Variants in HIBCH observed in about 807,000 individuals in gnomAD.
HIBCH encodes 3-hydroxyisobutyryl-CoA hydrolase, also known as 3-hydroxyisobutyryl-CoA hydrolase, mitochondrial.
Under a neutral mutation model 58.2 loss-of-function variants are expected in HIBCH, and 50 were observed. The ratio of observed to expected loss-of-function variants is 0.86; its 90% CI spans 0.68 to 1.09. The LOEUF is 1.09. Among genes scored for constraint, HIBCH ranks in the 50% least tolerant of loss-of-function variants. The pLI is 0.00. For missense variants in HIBCH, 450 were observed against 449.7 expected (o/e 1.00, Z -0.01); for synonymous variants, 151 against 146.9 (o/e 1.03, Z -0.20).
chr2:190,190,693 C>T (rs1024622462), intron 1 of HIBCH, among the ~76,000 whole-genome samples: 1 of 152,198 alleles, frequency 6.6e-6, no homozygotes. Context: ...TGCATGTCCT[C>T]ACCAACACTA....
intron 12 of HIBCH, 72 bp downstream of exon 12, chr2:190,212,884 T>C: frequency 7.4e-7 from 1 of 1,348,408 alleles, no homozygotes; most frequent in South Asian, 1.2e-5. Context: ...ACTTAGTGTA[T>C]TTTACAAGTT....
intron 11 of HIBCH, among the ~76,000 whole-genome samples, chr2:190,231,329 C>A (rs1411520756): frequency 6.6e-6 from 1 of 152,080 alleles, no homozygotes; most frequent in African/African-American, 2.4e-5. Context: ...GAAATCAATA[C>A]TGATAAAAGA....
chr2:190,200,132 A>G (rs1690182422), downstream of HIBCH: 2 of 1,613,756 alleles, frequency 1.2e-6, no homozygotes, highest in African/African-American at 2.7e-5. Context: ...CCATACATTG[A>G]GAGTGAGGGG....
chr2:190,222,339 A>G (rs1230910307), intron 11 of HIBCH, among the ~76,000 whole-genome samples: 3 of 152,132 alleles, frequency 2.0e-5, no homozygotes, highest in East Asian at 3.9e-4. Context: ...CTGCCCATGA[A>G]GGTGTCAGGG....
chr2:190,250,734 A>T (rs1686739188), intron 8 of HIBCH, among the ~76,000 whole-genome samples: 1 of 152,232 alleles, frequency 6.6e-6, no homozygotes, highest in Non-Finnish European at 1.5e-5. Flanking sequence ...AGGCCTTCAT[A>T]ACAGTTTACA....
chr2:190,194,196 C>T (rs1689854398), intron 1 of HIBCH, among the ~76,000 whole-genome samples: 1 of 152,060 alleles, frequency 6.6e-6, no homozygotes, highest in African/African-American at 2.4e-5. Flanking sequence ...TCCATATGCA[C>T]TTGATAAGAA....
chr2:190,230,056 G>T (rs1686047818), intron 11 of HIBCH, among the ~76,000 whole-genome samples: 1 of 152,134 alleles, frequency 6.6e-6, no homozygotes, highest in Non-Finnish European at 1.5e-5. Flanking sequence ...CATTTTAATA[G>T]TTGCCTCTGT....
At chr2:190,255,237 C>T (rs1686888958) in intron 7 of HIBCH, among the ~76,000 whole-genome samples, 2 of 152,192 alleles carry the variant, frequency 1.3e-5, no homozygotes. Context: ...CTTTTGAGAG[C>T]ATGTTACATC....
intron 11 of HIBCH, among the ~76,000 whole-genome samples, chr2:190,231,597 A>G (rs1319747199): frequency 6.6e-6 from 1 of 152,162 alleles, no homozygotes; most frequent in Admixed American, 6.6e-5. Context: ...AATGTTCTTA[A>G]AAGCTTTCCC....
rs531947969 is a variant in HIBCH at position 190,235,888 on chromosome 2, G to C, written c.891+8999C>G. Among the ~76,000 whole-genome samples the C allele has an allele frequency of 2.0e-5, 3 of 152,270 alleles. No individual in the cohort carries two copies. In the South Asian group the frequency reaches 6.2e-4, roughly 32 times the overall value. ...AATTGTTTATGTGTGTGTTCCACTA[G>C]ATTGCAAACTCCCTGAGAACAGATA... On this transcript the variant is annotated intron_variant, in intron 11 of 13. Coordinates refer to ENST00000359678, the MANE Select transcript of HIBCH (RefSeq NM_014362.4).
chr2:190,196,742 G>C (rs886324970), intron 1 of HIBCH, among the ~76,000 whole-genome samples: 1 of 152,094 alleles, frequency 6.6e-6, no homozygotes, highest in Non-Finnish European at 1.5e-5. Context: ...TTTTGTAAAT[G>C]AAGCTTTATT....
At position 190,197,663 on chromosome 2, in the gene HIBCH, T is replaced by C. The variant is rs1690043628; in HGVS notation, c.*17+7437A>G. Reference sequence around the variant, plus strand: ...CAATGACCATCTGTGGGATTTAACATCTTGTGTTTTTCTTCTCTCAGGGAT... The same window carrying C: ...CAATGACCATCTGTGGGATTTAACACCTTGTGTTTTTCTTCTCTCAGGGAT... On this transcript the variant is annotated intron_variant, in intron 1 of 1. Transcript: ENST00000399855. This position sits in a 1 kb window ranked among gnomAD's most constrained non-coding sequence, Gnocchi z 4.0. Among the ~76,000 whole-genome samples, 1 of 152,186 alleles carries C rather than the reference T, an allele frequency of 6.6e-6. No homozygotes were observed. Among genetic ancestry groups the C allele is most frequent in the African/African-American group, 2.4e-5 (1 of 41,442 alleles).
At chr2:190,266,089 G>A (rs1330752560) in intron 6 of HIBCH, among the ~76,000 whole-genome samples, 4 of 151,744 alleles carry the variant, frequency 2.6e-5, no homozygotes, top group African/African-American at 9.7e-5. Flanking sequence ...TTCCATTACA[G>A]ATTGCAACCT....
At chr2:190,260,782 T>A (rs73057816) in intron 7 of HIBCH, among the ~76,000 whole-genome samples, 9 of 152,248 alleles carry the variant, frequency 5.9e-5, no homozygotes, top group Non-Finnish European at 8.8e-5. Flanking sequence ...TTGACTTATA[T>A]AGGTGATCCA....
intron 4 of HIBCH, among the ~76,000 whole-genome samples, chr2:190,291,441 C>A (rs1478434109): frequency 6.6e-6 from 1 of 151,938 alleles, no homozygotes; most frequent in Non-Finnish European, 1.5e-5. Context: ...TAGGAATTTC[C>A]TAGAAAATGA....
chr2:190,220,603 C>T (rs558487238), intron 11 of HIBCH, among the ~76,000 whole-genome samples: 8 of 151,906 alleles, frequency 5.3e-5, no homozygotes, highest in South Asian at 2.1e-4. Flanking sequence ...TTAATGCCCC[C>T]GATTACAGGG....
chr2:190,319,719 G>C lies in HIBCH; in HGVS notation c.32C>G (p.Ser11Trp). 1 of 1,612,226 alleles carries C rather than the reference G, an allele frequency of 6.2e-7. No homozygotes were observed. The highest frequency in any genetic ancestry group is 8.5e-7 in the Non-Finnish European group (1 of 1,178,816). MGQREMWRLM[S>W]RFNAFKRTNT... is the part of the protein sequence containing the mutation. ...GGCCCCTCGCTCTCTCACTCACCTC[G>C]ACATGAGCCTCCACATCTCGCGCTG... The change falls in exon 1 of 14, where the codon TCG becomes TGG. Residue 11 changes from serine (S) to tryptophan (W), a missense_variant. Physicochemically the swap from Ser to Trp is radical, Grantham distance 177. Transcript: ENST00000359678.
At chr2:190,303,019 C>A (rs1019887670) in intron 2 of HIBCH, among the ~76,000 whole-genome samples, 1 of 152,074 alleles carries the variant, frequency 6.6e-6, no homozygotes, top group African/African-American at 2.4e-5. Context: ...AGTAATGGAG[C>A]CTGGCTCTCA....
chr2:190,256,931 AAG>A (rs1686940666), intron 7 of HIBCH, among the ~76,000 whole-genome samples: 1 of 152,318 alleles, frequency 6.6e-6, no homozygotes, highest in Admixed American at 6.5e-5. Context: ...TCTAAAATGA[AAG>A]AGAGAAAAAA....
Sources: allele counts gnomAD v4.1 joint callset (sites outside exome capture counted in the v4.1 genomes callset), GRCh38; gene constraint gnomAD v4.1.1; non-coding constraint Gnocchi (gnomAD v3.1); transcripts MANE v1.5; gene names NCBI Gene and HGNC (gene_info 2026-07-23, HGNC 2026-07-21).